EIF4G3: variants seen among roughly 807,000 people sequenced by gnomAD.
EIF4G3 encodes the protein eIF-4-gamma 3.
In EIF4G3, 34 loss-of-function variants were observed where a neutral mutation model predicts 186.4. The observed-to-expected ratio is 0.18, with a 90% CI of 0.14 to 0.24. The LOEUF (loss-of-function observed/expected upper bound fraction) is 0.24, where lower values mean the gene tolerates loss of function less well. Ranked by LOEUF, EIF4G3 falls within the 10% of genes least tolerant of loss-of-function variation. The pLI, the probability that EIF4G3 is intolerant of heterozygous loss-of-function variation, is 1.00. For missense variants in EIF4G3, 1,536 were observed against 1,948.5 expected (o/e 0.79, Z 3.99); for synonymous variants, 673 against 679.5 (o/e 0.99, Z 0.15).
intron 33 of EIF4G3, among the ~76,000 whole-genome samples, chr1:20,824,322 C>CA (rs1339322708): frequency 6.6e-6 from 1 of 152,180 alleles, no homozygotes; most frequent in Non-Finnish European, 1.5e-5. Flanking sequence ...TTATCCAGAA[C>CA]AAAATACTTA....
At chr1:21,062,037 G>A (rs1473120289) in intron 3 of EIF4G3, among the ~76,000 whole-genome samples, 2 of 151,122 alleles carry the variant, frequency 1.3e-5, no homozygotes, top group Admixed American at 6.6e-5. Context: ...GTGAGCCACC[G>A]CACCCAGTCT....
intron 14 of EIF4G3, among the ~76,000 whole-genome samples, chr1:20,908,320 G>A (rs1040278803): frequency 6.6e-6 from 1 of 151,676 alleles, no homozygotes; most frequent in South Asian, 2.1e-4. Flanking sequence ...GTTGATTTTT[G>A]CAAATTTTTA....
At chr1:20,962,629 G>A (rs1052580571) in intron 12 of EIF4G3, among the ~76,000 whole-genome samples, 5 of 152,052 alleles carry the variant, frequency 3.3e-5, no homozygotes, top group African/African-American at 1.2e-4. Flanking sequence ...CTCTGTATGG[G>A]TCCCATGGTG....
At chr1:21,150,464 A>C (rs139514394) in intron 2 of EIF4G3, among the ~76,000 whole-genome samples, 2 of 152,322 alleles carry the variant, frequency 1.3e-5, no homozygotes, top group African/African-American at 4.8e-5. Flanking sequence ...CTATACTGAC[A>C]CTATGGGGAA....
chr1:20,940,176 G>C (rs537272623), intron 14 of EIF4G3, among the ~76,000 whole-genome samples: 1 of 152,094 alleles, frequency 6.6e-6, no homozygotes, highest in East Asian at 1.9e-4. Context: ...TTTTCTAAAG[G>C]GTAACTGACA....
intron 2 of EIF4G3, among the ~76,000 whole-genome samples, chr1:21,135,958 T>C (rs1055399102): frequency 3.4e-5 from 5 of 148,270 alleles, no homozygotes; most frequent in Non-Finnish European, 7.5e-5. Flanking sequence ...CCGAGGCGGG[T>C]GGATCATGAG....
chr1:21,081,105 T>C (rs1306383194), intron 3 of EIF4G3, among the ~76,000 whole-genome samples: 1 of 152,190 alleles, frequency 6.6e-6, no homozygotes, highest in East Asian at 1.9e-4. Flanking sequence ...CCCTCCCCCA[T>C]TTAACATATG....
chr1:21,107,097 T>C (rs1378408940), intron 2 of EIF4G3, among the ~76,000 whole-genome samples: 1 of 152,192 alleles, frequency 6.6e-6, no homozygotes, highest in Non-Finnish European at 1.5e-5. Flanking sequence ...ATTCAGAGCA[T>C]CTAACACTGT....
At chr1:20,825,057 G>C (rs751906402) in intron 33 of EIF4G3, 43 bp downstream of exon 33, 19 of 1,315,780 alleles carry the variant, frequency 1.4e-5, no homozygotes, top group Admixed American at 2.0e-5. Flanking sequence ...CTATGAAATA[G>C]ATCAACTACT....
At chr1:21,135,268 G>A (rs940237269) in intron 2 of EIF4G3, among the ~76,000 whole-genome samples, 11 of 152,344 alleles carry the variant, frequency 7.2e-5, no homozygotes, top group East Asian at 1.9e-4. Flanking sequence ...GGGAGACCAA[G>A]GCGGGTGGAT....
At chr1:20,864,419 T>G in intron 22 of EIF4G3, 57 bp downstream of exon 22, 1 of 1,266,490 alleles carries the variant, frequency 7.9e-7, no homozygotes, top group Non-Finnish European at 1.1e-6. Context: ...ACAGTCTAAG[T>G]TCTTTTGCAA....
At chr1:21,135,842 T>C (rs1368967958) in intron 2 of EIF4G3, among the ~76,000 whole-genome samples, 2 of 152,192 alleles carry the variant, frequency 1.3e-5, no homozygotes, top group African/African-American at 2.4e-5. Flanking sequence ...ATAATAAGTA[T>C]AGCATCTACT....
intron 10 of EIF4G3, among the ~76,000 whole-genome samples, chr1:20,977,660 AT>A (rs1410726946): frequency 7.9e-5 from 12 of 152,188 alleles, no homozygotes; most frequent in Admixed American, 1.3e-4. Context: ...AAGCATATCT[AT>A]GAAAGGGAAC....
chr1:21,000,342 C>T (rs1190117641), intron 6 of EIF4G3, among the ~76,000 whole-genome samples: 1 of 152,104 alleles, frequency 6.6e-6, no homozygotes, highest in Non-Finnish European at 1.5e-5. Context: ...GCAAAGGCAG[C>T]TGTCCAGGGA....
chr1:21,010,526 C>T (rs1168101200), intron 4 of EIF4G3, among the ~76,000 whole-genome samples: 2 of 151,932 alleles, frequency 1.3e-5, no homozygotes, highest in Non-Finnish European at 2.9e-5. Flanking sequence ...GTACTGTTAA[C>T]TATATGCACA....
At chr1:20,895,990 G>A (rs939689572) in intron 16 of EIF4G3, among the ~76,000 whole-genome samples, 8 of 152,200 alleles carry the variant, frequency 5.3e-5, no homozygotes, top group African/African-American at 1.2e-4. Flanking sequence ...TTATTGCCCC[G>A]GAAGACCTTC....
intron 2 of EIF4G3, among the ~76,000 whole-genome samples, chr1:21,092,929 C>T (rs2096250371): frequency 6.6e-6 from 1 of 152,158 alleles, no homozygotes; most frequent in African/African-American, 2.4e-5. Flanking sequence ...CCCTTCCTTA[C>T]ACCTTACACA....
chr1:21,093,509 TAA>T (rs2096266671), intron 2 of EIF4G3, among the ~76,000 whole-genome samples: 3 of 152,126 alleles, frequency 2.0e-5, no homozygotes, highest in Admixed American at 2.0e-4. Context: ...GGTGGGACGG[TAA>T]ACTAGTTCAA....
At chr1:20,845,600 TG>T (rs906431706) in intron 29 of EIF4G3, among the ~76,000 whole-genome samples, 3 of 151,804 alleles carry the variant, frequency 2.0e-5, no homozygotes, top group Admixed American at 6.6e-5. Flanking sequence ...AGGTGGAGCT[TG>T]CAGTGAGCCG....
Sources: allele counts gnomAD v4.1 joint callset (sites outside exome capture counted in the v4.1 genomes callset), GRCh38; gene constraint gnomAD v4.1.1; transcripts MANE v1.5; gene names NCBI Gene and HGNC (gene_info 2026-07-23, HGNC 2026-07-21).